FRMD4A: variants seen among roughly 807,000 people sequenced by gnomAD.
FRMD4A encodes the protein FERM domain-containing protein 4A.
A neutral mutation model predicts 129.1 loss-of-function variants in FRMD4A; 29 were observed. That is an observed-to-expected ratio of 0.22 (90% confidence interval 0.17 to 0.31). FRMD4A has a LOEUF of 0.31. Among genes scored for constraint, FRMD4A ranks in the 10% least tolerant of loss-of-function variants. The pLI, the probability that FRMD4A is intolerant of heterozygous loss-of-function variation, is 1.00. For synonymous variants in FRMD4A, 634 were observed against 571.6 expected, an observed-to-expected ratio of 1.11 and a Z score of -1.56; for missense variants, 1,272 against 1,375.8, an observed-to-expected ratio of 0.92 and a Z score of 1.19.
At chr10:13,804,554 T>TCTTTCCTTCTTTCTTTCTTTCCTTC (rs1209518708) in intron 4 of FRMD4A, among the ~76,000 whole-genome samples, 1 of 151,096 alleles carries the variant, frequency 6.6e-6, no homozygotes, top group African/African-American at 2.4e-5. Flanking sequence ...TTTATTTCTT[T>TCTTTCCTTCTTTCTTTCTTTCCTTC]TTTTTGTTGA....
chr10:14,132,974 C>T lies in FRMD4A; in HGVS notation c.45+197084G>A, dbSNP rs80072568. ...GCAGCCATCCTGGTTCTCTGTTTTA[C>T]GAAGAGGTAATCCTATTTTATCCTC... is the stretch of plus-strand genomic sequence containing the variant. On this transcript the variant is annotated intron_variant, in intron 2 of 24. Transcript: ENST00000357447. Among the ~76,000 whole-genome samples the T allele has an allele frequency of 4.8e-3, 727 of 152,274 alleles. 8 individuals carry two copies. The highest frequency in any genetic ancestry group is 0.042 in the East Asian group (218 of 5,178).
At chr10:13,740,613 C>T (rs765063122) in intron 9 of FRMD4A, 36 bp from the exon 10 acceptor site, 1 of 1,102,410 alleles carries the variant, frequency 9.1e-7, no homozygotes, top group Non-Finnish European at 1.4e-6. Context: ...TTGTTGGAGT[C>T]TCTAGGTCAA....
chr10:14,273,377 TC>T (rs35627775), intron 2 of FRMD4A, among the ~76,000 whole-genome samples: 1 of 152,296 alleles, frequency 6.6e-6, no homozygotes, highest in East Asian at 1.9e-4. Context: ...GCCCCTTTAT[TC>T]CGTTGATCTA....
intron 12 of FRMD4A, chr10:13,707,506 G>A: frequency 9.9e-7 from 1 of 1,007,412 alleles, no homozygotes; most frequent in Non-Finnish European, 1.2e-6. Flanking sequence ...GGTGAGGGGA[G>A]AGGAGCGAGA....
chr10:14,142,503 A>T (rs559888195), intron 2 of FRMD4A, among the ~76,000 whole-genome samples: 1 of 152,366 alleles, frequency 6.6e-6, no homozygotes, highest in African/African-American at 2.4e-5. Flanking sequence ...CTACGCTTGC[A>T]TCCTGAATTG....
intron 2 of FRMD4A, among the ~76,000 whole-genome samples, chr10:14,033,462 A>C (rs1833348608): frequency 6.6e-6 from 1 of 152,032 alleles, no homozygotes; most frequent in Non-Finnish European, 1.5e-5. Context: ...GAACCAACCT[A>C]AGTGTCCACC....
chr10:13,652,052 T>C (rs1020114068), intron 23 of FRMD4A, 78 bp from the exon 24 acceptor site: 6 of 814,130 alleles, frequency 7.4e-6, no homozygotes, highest in Non-Finnish European at 1.3e-5. Context: ...ACAGACACGA[T>C]TAGTAGCTTA....
chr10:13,767,388 G>A (rs1408761901), intron 6 of FRMD4A, among the ~76,000 whole-genome samples: 3 of 152,058 alleles, frequency 2.0e-5, no homozygotes, highest in African/African-American at 4.8e-5. Flanking sequence ...ACAGGTGTGC[G>A]TCACCATGCC....
chr10:13,761,627 C>T lies in FRMD4A; in HGVS notation c.464+20G>A. ...AGGGCTTACATTTTAAACAACACAA[C>T]AACAAAATTGTAAACTTACCTAGAA... is the stretch of plus-strand genomic sequence containing the variant. On this transcript the variant is annotated intron_variant, in intron 8 of 24. Coordinates refer to ENST00000357447, the MANE Select transcript of FRMD4A (RefSeq NM_018027.5). 1.3e-6 allele frequency: 2 copies of T among 1,586,594 alleles called. No individual in the cohort carries two copies. The highest frequency in any genetic ancestry group is 1.7e-6 in the Non-Finnish European group (2 of 1,160,002).
chr10:14,132,912 C>A (rs558430799), intron 2 of FRMD4A, among the ~76,000 whole-genome samples: 33 of 152,290 alleles, frequency 2.2e-4, no homozygotes, highest in Non-Finnish European at 2.9e-5. Context: ...GATTCAGCAA[C>A]AATATTTCCT....
chr10:13,769,232 T>C (rs540746917), intron 6 of FRMD4A, among the ~76,000 whole-genome samples: 1 of 151,758 alleles, frequency 6.6e-6, no homozygotes, highest in African/African-American at 2.4e-5. Flanking sequence ...TGTGTGTGTG[T>C]GTGTGTGCGT....
chr10:13,652,231 T>C (rs1589199268), intron 23 of FRMD4A: 1 of 528,276 alleles, frequency 1.9e-6, no homozygotes, highest in Non-Finnish European at 3.4e-6. Context: ...AGCAAACAGT[T>C]TATGCCAAGA....
intron 3 of FRMD4A, among the ~76,000 whole-genome samples, chr10:13,832,173 G>C (rs2093800216): frequency 6.6e-6 from 1 of 151,946 alleles, no homozygotes; most frequent in South Asian, 2.1e-4. Context: ...GGTGAACTCA[G>C]ACACTGCTTT....
chr10:13,964,707 C>T (rs550144179), intron 2 of FRMD4A, among the ~76,000 whole-genome samples: 64 of 144,172 alleles, frequency 4.4e-4, no homozygotes, highest in Non-Finnish European at 7.3e-4. Context: ...GAGTTTCGCT[C>T]TGTCACCAGG....
chr10:14,148,340 A>G (rs746577065), intron 2 of FRMD4A, among the ~76,000 whole-genome samples: 3 of 152,244 alleles, frequency 2.0e-5, no homozygotes, highest in African/African-American at 7.2e-5. Flanking sequence ...ATCTTTCAAC[A>G]TGGTTGACTA....
At chr10:13,971,737 C>G in intron 2 of FRMD4A, 2 of 1,304,392 alleles carry the variant, frequency 1.5e-6, no homozygotes, top group Non-Finnish European at 2.0e-6. Context: ...AGGTCCTCAG[C>G]GCCCGACAAG....
rs760668186 is a variant in FRMD4A, at chr10:13,666,315, A to G, written c.1385T>C (p.Leu462Pro). Reference sequence around the variant, plus strand: ...GGCAAACTCTCGTTCCAGGCGTTCCAGCTCAGCTTCCTGTGGGAGGGAAAG... The same window carrying G: ...GGCAAACTCTCGTTCCAGGCGTTCCGGCTCAGCTTCCTGTGGGAGGGAAAG... ...KILPKGEEAE[L>P]ERLEREFAIQ... The change falls in exon 18 of 25, where the codon CTG becomes CCG. Residue 462 changes from leucine to proline, a missense_variant. This residue lies in a region of FRMD4A where 972 missense variants were observed against 892.3 expected (regional missense o/e 1.09). Transcript: ENST00000357447. 6.2e-7 allele frequency: 1 copy of G among 1,613,254 alleles called. No homozygotes were observed. The highest frequency in any genetic ancestry group is 1.1e-5 in the South Asian group (1 of 91,056).
intron 2 of FRMD4A, among the ~76,000 whole-genome samples, chr10:14,294,471 T>A (rs1327941590): frequency 6.6e-6 from 1 of 152,222 alleles, no homozygotes; most frequent in Non-Finnish European, 1.5e-5. Flanking sequence ...CTGCAAAGTA[T>A]TGCAATCCAT....
Position 13,966,403 on chromosome 10 carries a change from C to T in FRMD4A, c.46-107491G>A, listed in dbSNP as rs77310971. On this transcript the variant is annotated intron_variant, in intron 2 of 24. Transcript: ENST00000357447. ...CTGTAATTAAAAGTAATGGCAAACC[C>T]GCAATTACTTTTGCACTAACCTAAT... Among the ~76,000 whole-genome samples the T allele has an allele frequency of 1.3e-3, 200 of 152,260 alleles. 6 individuals carry two copies. In the East Asian group the frequency reaches 0.026, roughly 20 times the overall value.
Sources: gnomAD v4.1 joint callset for allele counts (sites outside exome capture counted in the v4.1 genomes callset) on GRCh38, gnomAD v4.1.1 for gene constraint, gnomAD v4.1.1 regional missense constraint, MANE v1.5 for transcripts, NCBI Gene and HGNC (gene_info 2026-07-23, HGNC 2026-07-21) for gene names.